The following TBC1D21 variants were observed in gnomAD, a reference collection of about 807,000 sequenced individuals.
TBC1D21 encodes the protein TBC1 domain family member 21.
TBC1D21 carries 38 observed loss-of-function variants against 46.0 expected under a neutral mutation model. The ratio of observed to expected loss-of-function variants is 0.83; its 90% CI spans 0.64 to 1.08. The LOEUF (loss-of-function observed/expected upper bound fraction) is 1.08. Ranked by LOEUF, TBC1D21 falls within the 50% of genes least tolerant of loss-of-function variation. The pLI is 0.00. For synonymous variants in TBC1D21, 151 were observed against 157.2 expected, an observed-to-expected ratio of 0.96 and a Z score of 0.29; for missense variants, 415 against 417.9, an observed-to-expected ratio of 0.99 and a Z score of 0.06.
At chr15:73,900,927 C>T in the TBC1D21 span, among the ~76,000 whole-genome samples, 1 of 152,180 alleles carries the variant, frequency 6.6e-6, no homozygotes, top group Non-Finnish European at 1.5e-5. Context: ...GGATTAAAGA[C>T]AGCAGTGTAT....
intron 3 of TBC1D21, among the ~76,000 whole-genome samples, chr15:73,882,196 G>A (rs1379232061): frequency 2.0e-5 from 3 of 152,062 alleles, no homozygotes; most frequent in Non-Finnish European, 4.4e-5. Context: ...CCAGGGGAAG[G>A]TACAAAACCC....
At chr15:73,899,099 T>C in the TBC1D21 span, among the ~76,000 whole-genome samples, 1 of 152,044 alleles carries the variant, frequency 6.6e-6, no homozygotes, top group Non-Finnish European at 1.5e-5. Context: ...GCTCCCATAT[T>C]AGACTTCACT....
chr15:73,884,812 T>A lies in TBC1D21; in HGVS notation c.399T>A (p.Asp133Glu), dbSNP rs1339307138. ...ARDIQKIYDK[D>E]PLGNVLIDKK... is the part of the protein sequence containing the mutation. Reference sequence around the variant, plus strand: ...ACATTCAGAAAATCTATGACAAAGATCCCCTGGGCAACGTCCTCATCGACA... The same window carrying A: ...ACATTCAGAAAATCTATGACAAAGAACCCCTGGGCAACGTCCTCATCGACA... The change falls in exon 5 of 11, where the codon GAT becomes GAA. Residue 133 changes from aspartate (D) to glutamate (E), a missense_variant. Transcript: ENST00000300504. The A allele has an allele frequency of 6.2e-7, 1 of 1,613,962 alleles. No individual in the cohort carries two copies. Among genetic ancestry groups the A allele is most frequent in the South Asian group, 1.1e-5 (1 of 91,072 alleles).
At chr15:73,876,222 T>TGG (rs1567062344) in intron 1 of TBC1D21, among the ~76,000 whole-genome samples, 1 of 50,972 alleles carries the variant, frequency 2.0e-5, no homozygotes, top group African/African-American at 1.3e-4. Flanking sequence ...TTTTTTTTTT[T>TGG]TTTTTTTTTT....
chr15:73,886,461 T>G, intron 7 of TBC1D21, 51 bp from the exon 8 acceptor site: 1 of 1,537,730 alleles, frequency 6.5e-7, no homozygotes, highest in Non-Finnish European at 9.0e-7. Context: ...ATGTGTTTGC[T>G]GCATCATATG....
At chr15:73,899,911 C>T in the TBC1D21 span, among the ~76,000 whole-genome samples, 4 of 152,180 alleles carry the variant, frequency 2.6e-5, no homozygotes, top group Admixed American at 1.3e-4. Context: ...GCCTGGGATG[C>T]GGGCCTCTGT....
At chr15:73,896,846 C>G in the TBC1D21 span, among the ~76,000 whole-genome samples, 18 of 152,228 alleles carry the variant, frequency 1.2e-4, no homozygotes, top group Non-Finnish European at 4.4e-5. Flanking sequence ...CAGTTTCCCC[C>G]TCTGAAATGG....
chr15:73,873,580 C>T lies in TBC1D21; in HGVS notation c.-130C>T. 1.1e-6 allele frequency: 1 copy of T among 931,062 alleles called. No homozygotes were observed. Among genetic ancestry groups the T allele is most frequent in the South Asian group, 1.6e-5 (1 of 63,750 alleles). The allele number at this position is 931,062 out of a possible 1,614,324, so 57.7% of individuals were successfully genotyped here. On this transcript the variant is annotated 5_prime_UTR_variant, in exon 1 of 11. Coordinates refer to ENST00000300504, the MANE Select transcript of TBC1D21 (RefSeq NM_153356.3). ...ACTTGTGACACACTGCTGGCCGGCT[C>T]TGTTCAAGTGTGGGAGGTCAGGAGC...
chr15:73,873,629 A>G lies in TBC1D21; in HGVS notation c.-81A>G. On this transcript the variant is annotated 5_prime_UTR_variant, in exon 1 of 11. Transcript: ENST00000300504. The stretch of plus-strand genomic sequence containing the variant: ...GCAGCCAGTTCCTCCTGGGAATGCA[A>G]CCCATCTCCGAAAAGGATTAAGCAT... 4.0e-6 allele frequency: 6 copies of G among 1,490,892 alleles called. No individual in the cohort carries two copies. The highest frequency in any genetic ancestry group is 2.4e-5 in the South Asian group (2 of 82,430). 92.4% of individuals were successfully genotyped at this position (1,490,892 alleles called of 1,614,324 possible).
the TBC1D21 span, among the ~76,000 whole-genome samples, chr15:73,898,525 A>G: frequency 1.3e-5 from 2 of 152,166 alleles, no homozygotes; most frequent in Admixed American, 6.5e-5. Flanking sequence ...ACAGGTGAAA[A>G]AAATGTGTTT....
intron 4 of TBC1D21, 81 bp downstream of exon 4, chr15:73,884,326 A>C (rs1043136984): frequency 1.5e-4 from 196 of 1,294,182 alleles, no homozygotes; most frequent in Non-Finnish European, 2.1e-4. Context: ...ACTTCCAGGG[A>C]GGGATGGCTC....
At chr15:73,900,331 C>T in the TBC1D21 span, among the ~76,000 whole-genome samples, 3 of 152,218 alleles carry the variant, frequency 2.0e-5, no homozygotes, top group African/African-American at 7.2e-5. Flanking sequence ...GTTTCAATCC[C>T]CACCACACCC....
At chr15:73,895,052 A>G in the TBC1D21 span, among the ~76,000 whole-genome samples, 1 of 152,190 alleles carries the variant, frequency 6.6e-6, no homozygotes, top group Non-Finnish European at 1.5e-5. Context: ...AGAATCACCA[A>G]GGGAGCTTTT....
chr15:73,889,143 G>C lies in TBC1D21; in HGVS notation c.*42G>C. The C allele has an allele frequency of 6.2e-7, 1 of 1,604,330 alleles. No homozygotes were observed. Among genetic ancestry groups the C allele is most frequent in the Non-Finnish European group, 8.5e-7 (1 of 1,173,886 alleles). The stretch of plus-strand genomic sequence containing the variant: ...AGTGGACTGATGCCTTCGATGGGCA[G>C]GATGAAGGCCAGGGGCACTGGAGTG... On this transcript the variant is annotated 3_prime_UTR_variant, in exon 11 of 11. Coordinates refer to ENST00000300504, the MANE Select transcript of TBC1D21 (RefSeq NM_153356.3).
At chr15:73,888,780 G>A (rs949991255) in intron 10 of TBC1D21, among the ~76,000 whole-genome samples, 13 of 151,370 alleles carry the variant, frequency 8.6e-5, no homozygotes, top group South Asian at 2.1e-4. Context: ...TCTCCCAAAC[G>A]CAGCCCATGG....
intron 5 of TBC1D21, 24 bp from the exon 6 acceptor site, chr15:73,884,978 CT>C: frequency 3.1e-6 from 5 of 1,597,006 alleles, no homozygotes; most frequent in Non-Finnish European, 4.3e-6. Flanking sequence ...CCAGCCCCTC[CT>C]CCCCAACCCC....
chr15:73,884,988 C>G lies in TBC1D21; in HGVS notation c.479-15C>G, dbSNP rs1595824103. 6.2e-7 allele frequency: 1 copy of G among 1,613,224 alleles called. No homozygotes were observed. Among genetic ancestry groups the G allele is most frequent in the Non-Finnish European group, 8.5e-7 (1 of 1,179,354 alleles). On this transcript the variant is annotated splice_polypyrimidine_tract_variant and intron_variant, in intron 5 of 10. Coordinates refer to ENST00000300504, the MANE Select transcript of TBC1D21 (RefSeq NM_153356.3). ...CCCACCCAGCCCCTCCTCCCCAACC[C>G]CCTCTTCGCCACAGAGTACCAGCAG...
downstream of TBC1D21, among the ~76,000 whole-genome samples, chr15:73,890,415 C>T (rs923545681): frequency 2.0e-5 from 3 of 152,204 alleles, no homozygotes; most frequent in African/African-American, 7.2e-5. Context: ...GTTTGCTGGG[C>T]AGGGAGGCAC....
chr15:73,881,625 C>A lies in TBC1D21; in HGVS notation c.169-19C>A. On this transcript the variant is annotated intron_variant, in intron 2 of 10. Transcript: ENST00000300504. ...GCATCGATAGAGCCCATGACCTCCACCTCCCACCCCCACCCCAGGGTCTGC... is the reference window on the plus strand; with the variant it reads ...GCATCGATAGAGCCCATGACCTCCAACTCCCACCCCCACCCCAGGGTCTGC... 3 of 1,610,884 alleles carry A rather than the reference C, an allele frequency of 1.9e-6. No homozygotes were observed. The highest frequency in any genetic ancestry group is 2.5e-6 in the Non-Finnish European group (3 of 1,177,350).
Sources: allele counts gnomAD v4.1 joint callset (sites outside exome capture counted in the v4.1 genomes callset), GRCh38; gene constraint gnomAD v4.1.1; transcripts MANE v1.5; gene names NCBI Gene and HGNC (gene_info 2026-07-23, HGNC 2026-07-21).